Variants in GLG1 observed in about 807,000 individuals in gnomAD.
GLG1 encodes the protein Golgi apparatus protein 1.
Under a neutral mutation model 160.5 loss-of-function variants are expected in GLG1, and 38 were observed. The ratio of observed to expected loss-of-function variants is 0.24; its 90% CI spans 0.18 to 0.31. GLG1 has a LOEUF of 0.31. Ranked by LOEUF, GLG1 falls within the 10% of genes least tolerant of loss-of-function variation. GLG1 has a pLI of 1.00. For synonymous variants in GLG1, 644 were observed against 543.4 expected (o/e 1.19, Z -2.57); for missense variants, 1,373 against 1,505.2 (o/e 0.91, Z 1.45).
intron 1 of GLG1, among the ~76,000 whole-genome samples, chr16:74,600,797 A>T (rs1198393734): frequency 6.6e-6 from 1 of 151,918 alleles, no homozygotes; most frequent in Non-Finnish European, 1.5e-5. Context: ...AGAATAGCAG[A>T]GCTGTGTTCC....
intron 9 of GLG1, 129 bp from the exon 10 acceptor site, chr16:74,483,253 A>C (rs919400383): frequency 1.6e-6 from 1 of 631,278 alleles, no homozygotes. Context: ...TTATTTTTCT[A>C]AGAATCACTC....
intron 1 of GLG1, among the ~76,000 whole-genome samples, chr16:74,564,489 C>T (rs527987392): frequency 6.6e-6 from 1 of 152,274 alleles, no homozygotes; most frequent in South Asian, 2.1e-4. Context: ...TTGCATGCAG[C>T]CATCTATGTA....
chr16:74,470,827 G>A (rs569888890), intron 15 of GLG1, among the ~76,000 whole-genome samples: 1 of 151,930 alleles, frequency 6.6e-6, no homozygotes, highest in African/African-American at 2.4e-5. Flanking sequence ...TGGCGATCTC[G>A]GCTCACTACA....
At position 74,451,569 on chromosome 16, in the gene GLG1, G is replaced by T. The variant is rs530340174; in HGVS notation, c.*1598C>A. On this transcript the variant is annotated 3_prime_UTR_variant, in exon 26 of 26. Transcript: ENST00000422840. ...GACTGTGCAGAGCAGAGGCAAGAGT[G>T]GGGGGCGCCGAGGGCAGGCCTTGGT... 4 of 171,714 alleles carry T rather than the reference G, an allele frequency of 2.3e-5. No individual in the cohort carries two copies. The highest frequency in any genetic ancestry group is 3.8e-5 in the Non-Finnish European group (3 of 78,932). 10.6% of individuals were successfully genotyped at this position (171,714 alleles called of 1,614,324 possible). A position where few individuals can be genotyped will look rare whatever the true frequency, so the allele number is the denominator to read the frequency against.
At chr16:74,605,284 G>A (rs1958540009) in intron 1 of GLG1, among the ~76,000 whole-genome samples, 1 of 151,532 alleles carries the variant, frequency 6.6e-6, no homozygotes, top group African/African-American at 2.4e-5. Flanking sequence ...CAAATGTCCG[G>A]AATACACATG....
At chr16:74,531,272 C>T (rs1234914995) in intron 2 of GLG1, among the ~76,000 whole-genome samples, 1 of 152,062 alleles carries the variant, frequency 6.6e-6, no homozygotes, top group South Asian at 2.1e-4. Flanking sequence ...GTGACTTTTG[C>T]CACATATAGA....
At chr16:74,497,322 C>A (rs1205186236) in intron 4 of GLG1, among the ~76,000 whole-genome samples, 5 of 142,150 alleles carry the variant, frequency 3.5e-5, no homozygotes, top group African/African-American at 1.0e-4. Flanking sequence ...ACACAAAAAA[C>A]CACATCGGCT....
At chr16:74,537,158 T>C (rs950169962) in intron 1 of GLG1, among the ~76,000 whole-genome samples, 4 of 152,160 alleles carry the variant, frequency 2.6e-5, no homozygotes, top group African/African-American at 9.7e-5. Context: ...TAAACTATTA[T>C]AAACAGAAGA....
chr16:74,535,986 G>A (rs1037501243), intron 1 of GLG1, among the ~76,000 whole-genome samples: 4 of 152,170 alleles, frequency 2.6e-5, no homozygotes, highest in African/African-American at 4.8e-5. Flanking sequence ...TATACTACCC[G>A]GGGAATGGTG....
chr16:74,592,589 G>C (rs965158147), intron 1 of GLG1, among the ~76,000 whole-genome samples: 1 of 152,132 alleles, frequency 6.6e-6, no homozygotes, highest in African/African-American at 2.4e-5. Flanking sequence ...TAACAACAAA[G>C]GGGAAAGGGA....
intron 2 of GLG1, among the ~76,000 whole-genome samples, chr16:74,516,623 C>T (rs555702264): frequency 2.6e-5 from 4 of 152,108 alleles, no homozygotes; most frequent in Non-Finnish European, 5.9e-5. Context: ...AAAATTGACA[C>T]CCTAACATCA....
intron 1 of GLG1, among the ~76,000 whole-genome samples, chr16:74,577,522 C>CAAA (rs71376222): frequency 0.01 from 1,231 of 120,130 alleles, 20 homozygotes; most frequent in Non-Finnish European, 0.018. Flanking sequence ...AACTCCATCT[C>CAAA]AAAAAAAAAA....
chr16:74,459,496 A>G (rs1346478456), intron 23 of GLG1, among the ~76,000 whole-genome samples, 186 bp downstream of exon 23: 1 of 152,202 alleles, frequency 6.6e-6, no homozygotes, highest in South Asian at 2.1e-4. Context: ...GAATATTCAC[A>G]TTATAGGAGA....
chr16:74,578,329 T>C (rs116462056), intron 1 of GLG1, among the ~76,000 whole-genome samples: 155 of 152,316 alleles, frequency 1.0e-3, no homozygotes, highest in African/African-American at 3.6e-3. Context: ...CAAATACTCT[T>C]TGTGGCACCG....
intron 1 of GLG1, among the ~76,000 whole-genome samples, chr16:74,600,574 A>C (rs1176879013): frequency 6.6e-6 from 1 of 150,794 alleles, no homozygotes; most frequent in Non-Finnish European, 1.5e-5. Context: ...TTTACTAAAA[A>C]TACAAAAATT....
rs116311902 is a variant in GLG1 at position 74,454,238 on chromosome 16, C to T, written c.3373-904G>A. Among the ~76,000 whole-genome samples, 967 of 151,920 alleles carry T rather than the reference C, an allele frequency of 6.4e-3. 15 individuals are homozygous for T. Among genetic ancestry groups the T allele is most frequent in the African/African-American group, 0.022 (932 of 41,442 alleles). On this transcript the variant is annotated intron_variant, in intron 25 of 25. Transcript: ENST00000422840. Reference sequence around the variant, plus strand: ...TTTTTTTCATTGAGTTGGGGTCTCGCGCTGTTGCCCAGGTTGGTGTACAGT... The same window carrying T: ...TTTTTTTCATTGAGTTGGGGTCTCGTGCTGTTGCCCAGGTTGGTGTACAGT...
rs2015775061 is a variant in GLG1, at chr16:74,486,018, T to C, written c.1450-101A>G. The stretch of plus-strand genomic sequence containing the variant: ...AGTTGCTCAGTCCTATTTACCACAA[T>C]GTACTCCAATAAAGTTGTCTACAGT... On this transcript the variant is annotated intron_variant, in intron 8 of 25. Coordinates refer to ENST00000422840, the MANE Select transcript of GLG1 (RefSeq NM_001145667.2). The C allele has an allele frequency of 4.7e-6, 4 of 857,068 alleles. No individual in the cohort carries two copies. The East Asian group carries it at 7.7e-5, about 16-fold the overall frequency. The allele number at this position is 857,068 out of a possible 1,614,324, so 53.1% of individuals were successfully genotyped here.
intron 1 of GLG1, among the ~76,000 whole-genome samples, chr16:74,541,964 G>A (rs1472230290): frequency 6.8e-6 from 1 of 147,560 alleles, no homozygotes; most frequent in African/African-American, 2.5e-5. Context: ...TGGGAAAGCA[G>A]GGGAGTTTAA....
At chr16:74,493,427 T>C (rs2016074781) in intron 6 of GLG1, among the ~76,000 whole-genome samples, 1 of 152,234 alleles carries the variant, frequency 6.6e-6, no homozygotes, top group South Asian at 2.1e-4. Flanking sequence ...GATCCCAATA[T>C]GTTAACTTGA....
Sources: gnomAD v4.1 joint callset for allele counts (sites outside exome capture counted in the v4.1 genomes callset) on GRCh38, gnomAD v4.1.1 for gene constraint, MANE v1.5 for transcripts, NCBI Gene and HGNC (gene_info 2026-07-23, HGNC 2026-07-21) for gene names.